Variants in CFAP299 observed in about 807,000 individuals in gnomAD.
CFAP299 encodes the protein cilia and flagella associated protein 299.
CFAP299 carries 21 observed loss-of-function variants against 27.0 expected under a neutral mutation model. The ratio of observed to expected loss-of-function variants is 0.78; its 90% CI spans 0.55 to 1.12. The LOEUF is 1.12. Ranked by LOEUF, CFAP299 falls within the 50% of genes most tolerant of loss-of-function variation. The probability of loss-of-function intolerance (pLI) is 0.00; values close to 1 mark genes in which losing one functional copy is unlikely to be tolerated. For missense variants in CFAP299, 310 were observed against 276.6 expected (o/e 1.12, Z -0.86); for synonymous variants, 104 against 98.1 (o/e 1.06, Z -0.36).
At chr4:80,952,639 A>C (rs531575738) in intron 5 of CFAP299, among the ~76,000 whole-genome samples, 25 of 152,314 alleles carry the variant, frequency 1.6e-4, no homozygotes, top group Middle Eastern at 3.4e-3. Flanking sequence ...TGAGCAAAAG[A>C]CTAGACACAT....
chr4:80,870,062 A>T lies in CFAP299; in HGVS notation c.403A>T (p.Arg135Trp), dbSNP rs781012985. 9.9e-6 allele frequency: 16 copies of T among 1,613,694 alleles called. No individual in the cohort carries two copies. The South Asian group carries it at 1.8e-4, about 18-fold the overall frequency. Residue 135 changes from arginine to tryptophan, a missense_variant, in exon 4 of 6, where the codon AGG becomes TGG. Transcript: ENST00000358105. ...ATCAGGATACATCGACTATGCCCAC[A>T]GGCTAAAGACGGAAGATTTTGAAGT... ...EISGYIDYAH[R>W]LKTEDFEVYF...
intron 2 of CFAP299, among the ~76,000 whole-genome samples, chr4:80,458,442 A>G (rs1199017687): frequency 6.6e-6 from 1 of 152,152 alleles, no homozygotes; most frequent in African/African-American, 2.4e-5. Flanking sequence ...TTTAACTTTT[A>G]AAAAAATCTT....
chr4:80,828,086 G>GA (rs1560432453), intron 3 of CFAP299, among the ~76,000 whole-genome samples: 1 of 151,960 alleles, frequency 6.6e-6, no homozygotes, highest in African/African-American at 2.4e-5. Context: ...TTCATGGAGC[G>GA]AAAGACAGTA....
intron 1 of CFAP299, among the ~76,000 whole-genome samples, chr4:80,337,398 A>ATT (rs1330672953): frequency 1.3e-4 from 19 of 142,764 alleles, no homozygotes; most frequent in Admixed American, 2.1e-4. Context: ...ATCAATCAGA[A>ATT]TTTTTTTTTT....
intron 2 of CFAP299, among the ~76,000 whole-genome samples, chr4:80,433,600 T>G (rs1246725790): frequency 1.3e-5 from 2 of 152,180 alleles, no homozygotes; most frequent in Non-Finnish European, 2.9e-5. Flanking sequence ...AAAAATCAAA[T>G]TTTAAGCAAA....
At chr4:80,730,228 T>TAC (rs1723423899) in intron 3 of CFAP299, among the ~76,000 whole-genome samples, 2 of 134,128 alleles carry the variant, frequency 1.5e-5, no homozygotes, top group African/African-American at 5.7e-5. Flanking sequence ...AGGTCTCTCT[T>TAC]TCTCTCTCTC....
chr4:80,682,319 T>C (rs1719892708), intron 3 of CFAP299, among the ~76,000 whole-genome samples: 1 of 152,168 alleles, frequency 6.6e-6, no homozygotes, highest in African/African-American at 2.4e-5. Context: ...AAGGGAGCTG[T>C]GATCTGTTTT....
At chr4:80,900,677 T>C (rs950487902) in intron 4 of CFAP299, among the ~76,000 whole-genome samples, 1 of 151,948 alleles carries the variant, frequency 6.6e-6, no homozygotes, top group Admixed American at 6.6e-5. Context: ...AAGCAAAGTT[T>C]GATAATTCAA....
rs192963080 is a variant in CFAP299, at chr4:80,930,393, A to C, written c.477-14417A>C. ...GTTAGTAGAAGCCAAGGAGGGAGTC[A>C]TGGGATTTCTAATTAATAGCTAATC... On this transcript the variant is annotated intron_variant, in intron 4 of 5. Transcript: ENST00000358105. Among the ~76,000 whole-genome samples, 6 of 152,256 alleles carry C rather than the reference A, an allele frequency of 3.9e-5. No homozygotes were observed. The East Asian group carries it at 9.7e-4, about 25-fold the overall frequency.
At chr4:80,811,989 A>G (rs1013063084) in intron 3 of CFAP299, among the ~76,000 whole-genome samples, 3 of 152,130 alleles carry the variant, frequency 2.0e-5, no homozygotes, top group African/African-American at 7.2e-5. Context: ...AGAAGCTAAA[A>G]GCCAAAATGG....
intron 2 of CFAP299, among the ~76,000 whole-genome samples, chr4:80,538,989 C>T (rs1733875955): frequency 6.6e-6 from 1 of 152,150 alleles, no homozygotes; most frequent in South Asian, 2.1e-4. Flanking sequence ...GCTCCAAAGA[C>T]ATCTTTACAC....
At chr4:80,483,801 G>A (rs1320714983) in intron 2 of CFAP299, among the ~76,000 whole-genome samples, 3 of 151,978 alleles carry the variant, frequency 2.0e-5, no homozygotes, top group Non-Finnish European at 4.4e-5. Flanking sequence ...AATTATTTAA[G>A]GAAACTTTGA....
chr4:80,734,709 T>A (rs1560724034), intron 3 of CFAP299, among the ~76,000 whole-genome samples: 1 of 152,168 alleles, frequency 6.6e-6, no homozygotes, highest in Non-Finnish European at 1.5e-5. Context: ...CCAGCACTGA[T>A]CATTGAAGAG....
upstream of CFAP299, among the ~76,000 whole-genome samples, chr4:80,334,346 T>G (rs1051261750): frequency 2.0e-5 from 3 of 152,224 alleles, no homozygotes; most frequent in Non-Finnish European, 4.4e-5. Flanking sequence ...GATGCTTTAC[T>G]GTTTCTTAAA....
At chr4:80,474,814 A>G (rs999764174) in intron 2 of CFAP299, among the ~76,000 whole-genome samples, 6 of 152,318 alleles carry the variant, frequency 3.9e-5, no homozygotes, top group Admixed American at 6.5e-5. Context: ...AAGACGTGGT[A>G]CCTGTGTTCA....
chr4:80,634,917 C>A (rs1050060711), intron 3 of CFAP299, among the ~76,000 whole-genome samples: 4 of 151,964 alleles, frequency 2.6e-5, no homozygotes, highest in Non-Finnish European at 5.9e-5. Context: ...GTGGAATACC[C>A]TTTGTCTAAC....
intron 2 of CFAP299, among the ~76,000 whole-genome samples, chr4:80,437,658 C>T (rs1728160154): frequency 6.6e-6 from 1 of 152,188 alleles, no homozygotes; most frequent in Non-Finnish European, 1.5e-5. Context: ...GATACATCTT[C>T]CAAGGCTGGT....
At chr4:80,962,289 A>G (rs1437371704) in intron 5 of CFAP299, among the ~76,000 whole-genome samples, 2 of 152,032 alleles carry the variant, frequency 1.3e-5, no homozygotes, top group African/African-American at 4.8e-5. Context: ...AGATGTTATA[A>G]CCAGTTCAAA....
intron 3 of CFAP299, among the ~76,000 whole-genome samples, chr4:80,705,293 C>T (rs73829105): frequency 0.046 from 6,973 of 151,760 alleles, 559 homozygotes; most frequent in African/African-American, 0.16. Context: ...TTCAGGGGCC[C>T]AGGTTAATGG....
Sources: gnomAD v4.1 joint callset for allele counts (sites outside exome capture counted in the v4.1 genomes callset) on GRCh38, gnomAD v4.1.1 for gene constraint, MANE v1.5 for transcripts, NCBI Gene and HGNC (gene_info 2026-07-23, HGNC 2026-07-21) for gene names.